The following SKAP2 variants were observed in gnomAD, a reference collection of about 807,000 sequenced individuals.
The protein encoded by SKAP2 is src kinase-associated phosphoprotein 2.
Under a neutral mutation model 54.9 loss-of-function variants are expected in SKAP2, and 28 were observed. The ratio of observed to expected loss-of-function variants is 0.51; its 90% CI spans 0.38 to 0.70. SKAP2 has a LOEUF of 0.70. Among genes scored for constraint, SKAP2 ranks in the 30% least tolerant of loss-of-function variants. The probability of loss-of-function intolerance (pLI) is 0.00; values close to 1 mark genes in which losing one functional copy is unlikely to be tolerated. For synonymous variants in SKAP2, 137 were observed against 134.3 expected (o/e 1.02, Z -0.14); for missense variants, 356 against 424.1 (o/e 0.84, Z 1.41).
chr7:26,745,257 A>C (rs1413593822), intron 4 of SKAP2, among the ~76,000 whole-genome samples: 1 of 152,226 alleles, frequency 6.6e-6, no homozygotes, highest in Admixed American at 6.5e-5. Flanking sequence ...TATTCCTAAG[A>C]ATTTTCACTC....
chr7:26,850,666 AT>A (rs759705448), intron 3 of SKAP2, among the ~76,000 whole-genome samples: 2 of 152,168 alleles, frequency 1.3e-5, no homozygotes, highest in Non-Finnish European at 2.9e-5. Flanking sequence ...TTTGAAGGAT[AT>A]AAGAAGGAAC....
intron 4 of SKAP2, among the ~76,000 whole-genome samples, chr7:26,822,500 T>A (rs1265851971): frequency 6.6e-6 from 1 of 152,074 alleles, no homozygotes; most frequent in Non-Finnish European, 1.5e-5. Context: ...GCTCCACAAC[T>A]CAACCTTCCC....
intron 4 of SKAP2, among the ~76,000 whole-genome samples, chr7:26,777,972 A>G (rs956368791): frequency 6.6e-6 from 1 of 152,074 alleles, no homozygotes; most frequent in East Asian, 1.9e-4. Context: ...ATAATTTTAT[A>G]AGCTATAAAT....
At chr7:26,853,758 T>C (rs1200853593) in intron 3 of SKAP2, among the ~76,000 whole-genome samples, 1 of 152,156 alleles carries the variant, frequency 6.6e-6, no homozygotes, top group Non-Finnish European at 1.5e-5. Flanking sequence ...ACCACCACTA[T>C]AAAATAATCT....
intron 3 of SKAP2, chr7:26,848,045 A>C (rs905822895): frequency 6.6e-6 from 1 of 152,238 alleles, no homozygotes; most frequent in Non-Finnish European, 1.5e-5. Flanking sequence ...TCAAGGTTTA[A>C]TCATACTACA....
At chr7:26,818,896 G>A (rs1344157842) in intron 4 of SKAP2, among the ~76,000 whole-genome samples, 1 of 152,154 alleles carries the variant, frequency 6.6e-6, no homozygotes, top group Non-Finnish European at 1.5e-5. Context: ...CAGTTAGAAT[G>A]GTGATAATTA....
intron 4 of SKAP2, among the ~76,000 whole-genome samples, chr7:26,818,495 G>A (rs1784318445): frequency 6.6e-6 from 1 of 152,034 alleles, no homozygotes; most frequent in Non-Finnish European, 1.5e-5. Context: ...GAAAACCTAG[G>A]CAATACCATT....
At chr7:26,675,557 G>A (rs1786332265) in intron 11 of SKAP2, among the ~76,000 whole-genome samples, 1 of 152,104 alleles carries the variant, frequency 6.6e-6, no homozygotes, top group Non-Finnish European at 1.5e-5. Context: ...CCCACTGCAG[G>A]AGATATAAAA....
chr7:26,704,622 G>T (rs1420199708), intron 9 of SKAP2, among the ~76,000 whole-genome samples: 1 of 152,158 alleles, frequency 6.6e-6, no homozygotes, highest in Non-Finnish European at 1.5e-5. Flanking sequence ...ACTAATTTAT[G>T]ATAAAATAGG....
At chr7:26,726,775 A>G in intron 7 of SKAP2, 107 bp downstream of exon 7, 1 of 904,320 alleles carries the variant, frequency 1.1e-6, no homozygotes. Flanking sequence ...CAGTATTTTT[A>G]TTATTGTTAA....
intron 4 of SKAP2, among the ~76,000 whole-genome samples, chr7:26,773,207 C>A (rs1180889907): frequency 1.3e-5 from 2 of 152,220 alleles, no homozygotes; most frequent in African/African-American, 4.8e-5. Context: ...CTGTTACTTA[C>A]AGATTGGCTG....
chr7:26,732,407 T>C (rs558892851), intron 6 of SKAP2, among the ~76,000 whole-genome samples: 37 of 152,184 alleles, frequency 2.4e-4, no homozygotes, highest in Non-Finnish European at 4.9e-4. Flanking sequence ...AGCCTGTGTG[T>C]AGCATTCTTA....
At chr7:26,715,388 C>CTTTTTT (rs1787407230) in intron 9 of SKAP2, among the ~76,000 whole-genome samples, 2 of 145,100 alleles carry the variant, frequency 1.4e-5, no homozygotes, top group African/African-American at 5.7e-5. Context: ...GTTTCTTTTC[C>CTTTTTT]TTATTTTATC....
At chr7:26,852,625 G>C (rs1358448124) in intron 3 of SKAP2, among the ~76,000 whole-genome samples, 1 of 151,992 alleles carries the variant, frequency 6.6e-6, no homozygotes, top group Non-Finnish European at 1.5e-5. Context: ...ATTCTCTTTA[G>C]AGACAAAGAA....
At chr7:26,791,349 ATTTTTT>A (rs910571631) in intron 4 of SKAP2, among the ~76,000 whole-genome samples, 2 of 149,834 alleles carry the variant, frequency 1.3e-5, no homozygotes, top group African/African-American at 4.9e-5. Context: ...AATTTTTTCT[ATTTTTT>A]TTTAAGACAG....
chr7:26,773,920 C>T (rs1562605449), intron 4 of SKAP2, among the ~76,000 whole-genome samples: 1 of 152,134 alleles, frequency 6.6e-6, no homozygotes, highest in Admixed American at 6.6e-5. Flanking sequence ...GGTATGAAAG[C>T]CCAGTGCTGT....
intron 9 of SKAP2, among the ~76,000 whole-genome samples, chr7:26,723,992 A>C (rs1682033558): frequency 6.6e-6 from 1 of 152,028 alleles, no homozygotes; most frequent in Non-Finnish European, 1.5e-5. Context: ...CTGATGCTAC[A>C]GCAGATGCCA....
intron 4 of SKAP2, among the ~76,000 whole-genome samples, chr7:26,789,741 C>T (rs992152511): frequency 6.6e-6 from 1 of 152,128 alleles, no homozygotes; most frequent in African/African-American, 2.4e-5. Flanking sequence ...TTTAATGCCG[C>T]ACTAATTATT....
Position 26,725,576 on chromosome 7 carries a change from C to T in SKAP2, c.659-11G>A, listed in dbSNP as rs1156281144. ...TATCAGATTCCATATCTATAAAACACATTTCATGAAGTAAATTTTAAAAGA... is the reference window on the plus strand; with the variant it reads ...TATCAGATTCCATATCTATAAAACATATTTCATGAAGTAAATTTTAAAAGA... On this transcript the variant is annotated splice_polypyrimidine_tract_variant and intron_variant, in intron 8 of 12. Transcript: ENST00000345317. The T allele has an allele frequency of 2.6e-6, 4 of 1,563,792 alleles. No individual in the cohort carries two copies. The highest frequency in any genetic ancestry group is 1.2e-5 in the South Asian group (1 of 85,008).
Sources: gnomAD v4.1 joint callset for allele counts (sites outside exome capture counted in the v4.1 genomes callset) on GRCh38, gnomAD v4.1.1 for gene constraint, MANE v1.5 for transcripts, NCBI Gene and HGNC (gene_info 2026-07-23, HGNC 2026-07-21) for gene names.